STAC: variants seen among roughly 807,000 people sequenced by gnomAD.
The protein encoded by STAC is SH3 and cysteine-rich domain-containing protein.
Under a neutral mutation model 48.8 loss-of-function variants are expected in STAC, and 43 were observed. The observed-to-expected ratio is 0.88, with a 90% CI of 0.69 to 1.14. The LOEUF (loss-of-function observed/expected upper bound fraction) is 1.14, where lower values mean the gene tolerates loss of function less well. STAC is among the 50% of genes most tolerant of loss of function. The pLI is 0.00. For synonymous variants in STAC, 193 were observed against 179.5 expected (o/e 1.07, Z -0.60); for missense variants, 497 against 504.0 (o/e 0.99, Z 0.13).
intron 1 of STAC, among the ~76,000 whole-genome samples, chr3:36,428,686 A>G (rs2125650896): frequency 6.6e-6 from 1 of 152,288 alleles, no homozygotes; most frequent in Middle Eastern, 3.4e-3. Flanking sequence ...TCAGAACAAC[A>G]GGGGTGAAGG....
intron 1 of STAC, among the ~76,000 whole-genome samples, chr3:36,410,992 C>A (rs764363537): frequency 6.6e-6 from 1 of 152,148 alleles, no homozygotes; most frequent in African/African-American, 2.4e-5. Flanking sequence ...AAAGCAACTG[C>A]CCAATATCTA....
chr3:36,447,131 G>A (rs974085980), intron 2 of STAC, among the ~76,000 whole-genome samples: 1 of 152,080 alleles, frequency 6.6e-6, no homozygotes, highest in African/African-American at 2.4e-5. Context: ...CCACCGAGTG[G>A]TCCTACCTTC....
chr3:36,544,572 A>G (rs777026131), intron 10 of STAC, among the ~76,000 whole-genome samples: 2 of 152,100 alleles, frequency 1.3e-5, no homozygotes, highest in Admixed American at 6.5e-5. Flanking sequence ...GGCAAAAACT[A>G]TGTTTTGTGC....
At chr3:36,469,183 C>A (rs148019221) in intron 2 of STAC, among the ~76,000 whole-genome samples, 3 of 151,946 alleles carry the variant, frequency 2.0e-5, no homozygotes, top group Admixed American at 1.3e-4. Flanking sequence ...TATATAGGTC[C>A]TGTGAGATTT....
At chr3:36,430,497 T>C (rs1176566117) in intron 1 of STAC, among the ~76,000 whole-genome samples, 6 of 152,204 alleles carry the variant, frequency 3.9e-5, no homozygotes, top group Admixed American at 6.5e-5. Flanking sequence ...GTTTCCATCT[T>C]TATTAACCAG....
intron 1 of STAC, among the ~76,000 whole-genome samples, chr3:36,414,735 G>A (rs1700279296): frequency 6.6e-6 from 1 of 152,198 alleles, no homozygotes; most frequent in South Asian, 2.1e-4. Context: ...TTTGGAGGAG[G>A]AGAGGTGCTC....
At position 36,417,345 on chromosome 3, in the gene STAC, C is replaced by G. The variant is rs1281879530; in HGVS notation, c.112-26019C>G. On this transcript the variant is annotated intron_variant, in intron 1 of 10. Coordinates refer to ENST00000273183, the MANE Select transcript of STAC (RefSeq NM_003149.3). ...TGTCCTTGGAGCCTTCAACCTTCTT[C>G]CTGTCTATGTAGCACATCCAGGAAT... 2.0e-5 allele frequency among the ~76,000 whole-genome samples: 3 copies of G among 152,156 alleles called. 1 individual carries two copies. Among genetic ancestry groups the G allele is most frequent in the Non-Finnish European group, 4.4e-5 (3 of 68,032 alleles).
At position 36,408,899 on chromosome 3, in the gene STAC, T is replaced by C. The variant is rs143571476; in HGVS notation, c.111+28145T>C. Among the ~76,000 whole-genome samples the C allele has an allele frequency of 3.9e-5, 6 of 152,306 alleles. No individual in the cohort carries two copies. The East Asian group carries it at 1.2e-3, about 29-fold the overall frequency. ...TCATATACCTCCAGTTGTAAACACC[T>C]AAATGATTGGGTGGATGGTGTATCA... On this transcript the variant is annotated intron_variant, in intron 1 of 10. Transcript: ENST00000273183.
intron 3 of STAC, among the ~76,000 whole-genome samples, chr3:36,484,097 A>C (rs997992459): frequency 6.6e-6 from 1 of 152,218 alleles, no homozygotes; most frequent in Non-Finnish European, 1.5e-5. Context: ...TTTTAGACCT[A>C]AAATTTAGAA....
chr3:36,427,007 T>G (rs1271437781), intron 1 of STAC, among the ~76,000 whole-genome samples: 1 of 152,234 alleles, frequency 6.6e-6, no homozygotes, highest in East Asian at 1.9e-4. Context: ...ACCAACAGCC[T>G]CCTTCTTGCC....
At chr3:36,417,062 C>G (rs1431952765) in intron 1 of STAC, among the ~76,000 whole-genome samples, 2 of 152,158 alleles carry the variant, frequency 1.3e-5, no homozygotes, top group African/African-American at 2.4e-5. Flanking sequence ...TATCTGCCCC[C>G]CATGGCACCA....
intron 10 of STAC, among the ~76,000 whole-genome samples, chr3:36,537,127 T>C (rs1445956852): frequency 2.0e-5 from 3 of 152,110 alleles, no homozygotes; most frequent in Non-Finnish European, 4.4e-5. Context: ...TTGTGGAAGA[T>C]AGTGTGGCAA....
intron 1 of STAC, among the ~76,000 whole-genome samples, chr3:36,407,039 A>G (rs1306725064): frequency 1.3e-5 from 2 of 152,208 alleles, no homozygotes; most frequent in African/African-American, 4.8e-5. Flanking sequence ...AATGAGACCT[A>G]TTACTTCCTT....
intron 1 of STAC, among the ~76,000 whole-genome samples, chr3:36,399,332 C>T (rs1038307960): frequency 6.6e-6 from 1 of 152,218 alleles, no homozygotes; most frequent in African/African-American, 2.4e-5. Flanking sequence ...TTCCCTTTTC[C>T]ATGCTCCAAT....
intron 8 of STAC, among the ~76,000 whole-genome samples, chr3:36,515,352 T>G (rs964065021): frequency 1.3e-5 from 2 of 151,962 alleles, no homozygotes; most frequent in African/African-American, 4.8e-5. Flanking sequence ...TCTCAGTCAA[T>G]TTAGAGGTTT....
intron 3 of STAC, 117 bp from the exon 4 acceptor site, chr3:36,484,860 A>T: frequency 1.5e-6 from 1 of 654,542 alleles, no homozygotes; most frequent in Non-Finnish European, 2.5e-6. Context: ...TCGGCATGTT[A>T]ATGGGAGACA....
intron 2 of STAC, among the ~76,000 whole-genome samples, chr3:36,445,615 C>T (rs1233752232): frequency 2.0e-5 from 3 of 152,150 alleles, no homozygotes; most frequent in African/African-American, 7.2e-5. Flanking sequence ...AATTGATCTG[C>T]CTCTCTCGCT....
In STAC at chr3:36,443,627, C is replaced by G; in HGVS notation, c.375C>G (p.Asn125Lys). 6.2e-7 allele frequency: 1 copy of G among 1,612,214 alleles called. No homozygotes were observed. Among genetic ancestry groups the G allele is most frequent in the Admixed American group, 1.7e-5 (1 of 60,030 alleles). ...FKKPTFCDVC[N>K]HMIVGTNAKH... ...AGCCCACTTTCTGTGATGTCTGCAA[C>G]CACATGATAGTGGGTAAGGCCTCCC... is the stretch of plus-strand genomic sequence containing the variant. The change falls in exon 2 of 11, where the codon AAC becomes AAG. Residue 125 changes from asparagine (N) to lysine (K), a missense_variant. Transcript: ENST00000273183. The surrounding 1 kb of genome is among the most constrained non-coding windows in gnomAD (Gnocchi z 4.2).
rs376857465 is a variant in STAC, at chr3:36,494,109, G to A, written c.766+880G>A. ...GGAGCTTGCAGTGAGCCGAGATCGC[G>A]CCACTGCACTCCCGCCTGGGCCACA... On this transcript the variant is annotated intron_variant, in intron 6 of 10. Coordinates refer to ENST00000273183, the MANE Select transcript of STAC (RefSeq NM_003149.3). Among the ~76,000 whole-genome samples the A allele has an allele frequency of 3.0e-4, 39 of 130,396 alleles. No homozygotes were observed. In the East Asian group the frequency reaches 7.7e-3, roughly 26 times the overall value. The allele number at this position is 130,396 out of a possible 152,430, so 85.5% of individuals were successfully genotyped here.
Sources: gnomAD v4.1 joint callset for allele counts (sites outside exome capture counted in the v4.1 genomes callset) on GRCh38, gnomAD v4.1.1 for gene constraint, Gnocchi (gnomAD v3.1) non-coding constraint, MANE v1.5 for transcripts, NCBI Gene and HGNC (gene_info 2026-07-23, HGNC 2026-07-21) for gene names.